IFT43: variants seen among roughly 807,000 people sequenced by gnomAD.
The protein encoded by IFT43 is intraflagellar transport protein 43 homolog.
A neutral mutation model predicts 32.3 loss-of-function variants in IFT43; 33 were observed. That is an observed-to-expected ratio of 1.02 (90% CI 0.77 to 1.37). The LOEUF is 1.37. Ranked by LOEUF, IFT43 falls within the 40% of genes most tolerant of loss-of-function variation. The pLI is 0.00. For synonymous variants in IFT43, 93 were observed against 98.2 expected (o/e 0.95, Z 0.31); for missense variants, 274 against 265.9 (o/e 1.03, Z -0.21).
At position 76,083,669 on chromosome 14, in the gene IFT43, T is replaced by C. The variant is rs774969187; in HGVS notation, c.*92T>C. The C allele has an allele frequency of 5.8e-6, 7 of 1,215,088 alleles. No homozygotes were observed. The highest frequency in any genetic ancestry group is 8.3e-6 in the Non-Finnish European group (7 of 840,410). 75.3% of individuals were successfully genotyped at this position (1,215,088 alleles called of 1,614,324 possible). A position where few individuals can be genotyped will look rare whatever the true frequency, so the allele number is the denominator to read the frequency against. ...GCTCCGAATTTTTACCTGGAATATT[T>C]TGTAATAAAAATATTTATATTCAGT... is the stretch of plus-strand genomic sequence containing the variant. On this transcript the variant is annotated 3_prime_UTR_variant, in exon 9 of 9. Transcript: ENST00000314067.
intron 4 of IFT43, chr14:76,058,925 G>C: frequency 6.9e-7 from 1 of 1,449,210 alleles, no homozygotes; most frequent in East Asian, 2.5e-5. Context: ...CAGGTATCAG[G>C]GTACTGGCCC....
At chr14:76,030,243 T>C (rs1183073189) in intron 3 of IFT43, among the ~76,000 whole-genome samples, 2 of 152,162 alleles carry the variant, frequency 1.3e-5, no homozygotes, top group Non-Finnish European at 2.9e-5. Flanking sequence ...AGTTTTTTTT[T>C]CTATAATACT....
chr14:76,001,669 T>C (rs1244107703), intron 2 of IFT43, among the ~76,000 whole-genome samples: 2 of 152,376 alleles, frequency 1.3e-5, no homozygotes, highest in East Asian at 3.9e-4. Context: ...GTCTGTTTTA[T>C]GCTGCTCTAA....
At chr14:76,002,453 G>A (rs116707762) in intron 2 of IFT43, among the ~76,000 whole-genome samples, 2,055 of 152,176 alleles carry the variant, frequency 0.014, 52 homozygotes, top group African/African-American at 0.043. Context: ...GTTGTTAGAT[G>A]AGGAGGGAAG....
chr14:76,070,074 T>C (rs1245028855), intron 5 of IFT43, among the ~76,000 whole-genome samples: 1 of 152,244 alleles, frequency 6.6e-6, no homozygotes, highest in Non-Finnish European at 1.5e-5. Context: ...CTGAAAGTGC[T>C]GAGTTTAAGG....
At chr14:76,008,115 A>G (rs1181010384) in intron 2 of IFT43, among the ~76,000 whole-genome samples, 1 of 152,312 alleles carries the variant, frequency 6.6e-6, no homozygotes, top group Admixed American at 6.5e-5. Context: ...TTTGCCAAAC[A>G]CTGTGGCTGT....
intron 2 of IFT43, among the ~76,000 whole-genome samples, chr14:75,999,276 TATA>T (rs1566699754): frequency 1.0e-3 from 25 of 24,488 alleles, no homozygotes; most frequent in Non-Finnish European, 1.3e-3. Flanking sequence ...TATATATGTA[TATA>T]TATTTTTTTT....
intron 3 of IFT43, among the ~76,000 whole-genome samples, chr14:76,049,148 C>T (rs981385936): frequency 6.6e-6 from 1 of 152,178 alleles, no homozygotes; most frequent in Non-Finnish European, 1.5e-5. Context: ...GAAGTTTGTC[C>T]CTTGACTTGT....
At position 76,049,141 on chromosome 14, in the gene IFT43, GT is replaced by G. The variant is rs1419753786; in HGVS notation, c.216-9498del. On this transcript the variant is annotated intron_variant, in intron 3 of 8. Coordinates refer to ENST00000314067, the MANE Select transcript of IFT43 (RefSeq NM_001102564.3). ...TAAAGGTTTCCAGAAGCACTGAGAAGTTTGTCCCTTGACTTGTGGCACATGG... is the reference window on the plus strand; with the variant it reads ...TAAAGGTTTCCAGAAGCACTGAGAAGTTGTCCCTTGACTTGTGGCACATGG... Among the ~76,000 whole-genome samples, 12 of 152,348 alleles carry G rather than the reference GT, an allele frequency of 7.9e-5. No individual in the cohort carries two copies. In the East Asian group the frequency reaches 2.3e-3, roughly 29 times the overall value.
chr14:76,001,173 C>T (rs144247527), intron 2 of IFT43, among the ~76,000 whole-genome samples: 6 of 152,258 alleles, frequency 3.9e-5, no homozygotes, highest in African/African-American at 9.6e-5. Flanking sequence ...AACAACTGGA[C>T]GGGGATGGAT....
chr14:75,994,844 C>T (rs1027643252), intron 2 of IFT43, among the ~76,000 whole-genome samples: 6 of 152,106 alleles, frequency 3.9e-5, no homozygotes, highest in Non-Finnish European at 7.4e-5. Context: ...ATGATTGTGC[C>T]CTCACAGAAC....
intron 3 of IFT43, among the ~76,000 whole-genome samples, chr14:76,023,306 C>A (rs1168192609): frequency 6.6e-6 from 1 of 152,186 alleles, no homozygotes; most frequent in Non-Finnish European, 1.5e-5. Flanking sequence ...ACAGCTTAGA[C>A]TAGATGCTGA....
chr14:75,995,743 G>A (rs966100457), intron 2 of IFT43, among the ~76,000 whole-genome samples: 6 of 152,208 alleles, frequency 3.9e-5, no homozygotes, highest in African/African-American at 1.2e-4. Flanking sequence ...ATTTTCCAGC[G>A]TTTTTCATAG....
At chr14:76,026,029 A>C (rs764243155) in intron 3 of IFT43, among the ~76,000 whole-genome samples, 42 of 152,214 alleles carry the variant, frequency 2.8e-4, no homozygotes, top group Non-Finnish European at 5.9e-5. Context: ...AGAATGGGAG[A>C]AAACTTTTGC....
intron 3 of IFT43, among the ~76,000 whole-genome samples, chr14:76,053,746 G>A (rs915107494): frequency 7.9e-5 from 12 of 152,254 alleles, no homozygotes; most frequent in African/African-American, 2.6e-4. Context: ...AAGAAACCTG[G>A]CATTTAATTA....
intron 7 of IFT43, among the ~76,000 whole-genome samples, chr14:76,083,002 T>C (rs2037540814): frequency 6.6e-6 from 1 of 152,212 alleles, no homozygotes; most frequent in African/African-American, 2.4e-5. Context: ...CCTCCTGGTA[T>C]GGTCCTTTGC....
In IFT43 at chr14:76,082,627, A is replaced by C; in HGVS notation, c.379A>C (p.Lys127Gln). The C allele has an allele frequency of 6.2e-7, 1 of 1,614,168 alleles. No homozygotes were observed. Among genetic ancestry groups the C allele is most frequent in the Non-Finnish European group, 8.5e-7 (1 of 1,180,036 alleles). Residue 127 changes from lysine (K) to glutamine (Q), a missense_variant, in exon 7 of 9, where the codon AAG becomes CAG. Coordinates refer to ENST00000314067, the MANE Select transcript of IFT43 (RefSeq NM_001102564.3). Reference sequence around the variant, plus strand: ...CTCTCTTTCCTTCAGCATCCAGATAAAGCGGGTGATGACCTACCGTGACCT... The same window carrying C: ...CTCTCTTTCCTTCAGCATCCAGATACAGCGGGTGATGACCTACCGTGACCT... ...QVAAPPSIQI[K>Q]RVMTYRDLDN...
At chr14:76,052,223 A>C (rs902257821) in intron 3 of IFT43, among the ~76,000 whole-genome samples, 2 of 152,172 alleles carry the variant, frequency 1.3e-5, no homozygotes, top group African/African-American at 4.8e-5. Flanking sequence ...CTGCATAAAG[A>C]TAGCATCCTG....
chr14:75,999,243 A>AATATTCATTTATATATAAATTCTTTT (rs56810996), intron 2 of IFT43, among the ~76,000 whole-genome samples: 1 of 25,320 alleles, frequency 3.9e-5, no homozygotes, highest in Non-Finnish European at 5.8e-5. Context: ...ATATATATAT[A>AATATTCATTTATATATAAATTCTTTT]TATATATATA....
Sources: gnomAD v4.1 joint callset for allele counts (sites outside exome capture counted in the v4.1 genomes callset) on GRCh38, gnomAD v4.1.1 for gene constraint, MANE v1.5 for transcripts, NCBI Gene and HGNC (gene_info 2026-07-23, HGNC 2026-07-21) for gene names.